Variants in GOLGA4 observed in about 807,000 individuals in gnomAD.
GOLGA4 encodes the protein golgin A4.
GOLGA4 carries 169 observed loss-of-function variants against 265.9 expected under a neutral mutation model. That is an observed-to-expected ratio of 0.64 (90% CI 0.56 to 0.72). GOLGA4 has a LOEUF of 0.72. Ranked by LOEUF, GOLGA4 falls within the 30% of genes least tolerant of loss-of-function variation. The pLI, the probability that GOLGA4 is intolerant of heterozygous loss-of-function variation, is 0.00. For synonymous variants in GOLGA4, 923 were observed against 855.8 expected (o/e 1.08, Z -1.37); for missense variants, 2,482 against 2,483.4 (o/e 1.00, Z 0.01).
At chr3:37,270,202 C>CTTTTT (rs144373648) in intron 2 of GOLGA4, among the ~76,000 whole-genome samples, 10 of 99,896 alleles carry the variant, frequency 1.0e-4, no homozygotes, top group African/African-American at 3.4e-4. Context: ...CCAGTTGTAG[C>CTTTTT]TTTTTTTTTT....
At chr3:37,291,124 G>A (rs1470511434) in intron 5 of GOLGA4, among the ~76,000 whole-genome samples, 6 of 152,102 alleles carry the variant, frequency 3.9e-5, no homozygotes, top group Admixed American at 3.3e-4. Flanking sequence ...AATTCAGAGA[G>A]TGCACATTAG....
chr3:37,262,971 G>A (rs1041278401), intron 2 of GOLGA4, among the ~76,000 whole-genome samples: 4 of 152,208 alleles, frequency 2.6e-5, no homozygotes, highest in Admixed American at 6.5e-5. Context: ...TGGTATAAAA[G>A]CTCACAGTAA....
intron 2 of GOLGA4, among the ~76,000 whole-genome samples, chr3:37,267,787 T>G (rs1483958553): frequency 6.6e-6 from 1 of 152,248 alleles, no homozygotes; most frequent in Non-Finnish European, 1.5e-5. Flanking sequence ...AGAATTGATT[T>G]AACTTATTAG....
chr3:37,323,673 C>G lies in GOLGA4; in HGVS notation c.1787C>G (p.Ala596Gly). ...QSKDLAVHLE[A>G]EKNKHNKEIT... ...AAAGATTTGGCTGTTCATCTGGAAG[C>G]TGAAAAAAATAAGCACAATAAGGAG... The change falls in exon 14 of 24, where the codon GCT (alanine) becomes GGT (glycine). Residue 596 changes from alanine (A) to glycine (G), a missense_variant. This residue lies in a region of GOLGA4 where 1,536 missense variants were observed against 1,483.7 expected (regional missense o/e 1.04). Transcript: ENST00000361924. 1.9e-6 allele frequency: 3 copies of G among 1,602,622 alleles called. No homozygotes were observed. The highest frequency in any genetic ancestry group is 2.5e-6 in the Non-Finnish European group (3 of 1,176,656).
In GOLGA4 at chr3:37,337,699, G is replaced by T. The variant is rs773058450; in HGVS notation, c.6361G>T (p.Asp2121Tyr). 30 of 1,612,072 alleles carry T rather than the reference G, an allele frequency of 1.9e-5. No homozygotes were observed. The highest frequency in any genetic ancestry group is 2.4e-5 in the Non-Finnish European group (28 of 1,178,252). Residue 2121 changes from aspartate to tyrosine, a missense_variant, in exon 19 of 24, where the codon GAT (aspartate) becomes TAT (tyrosine). Asp to Tyr is a radical substitution (Grantham distance 160). Transcript: ENST00000361924. Reference sequence around the variant, plus strand: ...AGCACAGAAGACGACTTTAATCAGTGATTCGAAATTGAAAGAGCAAGAGTT... The same window carrying T: ...AGCACAGAAGACGACTTTAATCAGTTATTCGAAATTGAAAGAGCAAGAGTT... ...QLAQKTTLIS[D>Y]SKLKEQEFRE...
chr3:37,348,145 G>A (rs1054175463), intron 21 of GOLGA4, among the ~76,000 whole-genome samples: 1 of 152,080 alleles, frequency 6.6e-6, no homozygotes, highest in African/African-American at 2.4e-5. Flanking sequence ...TACTAAGCAG[G>A]TTCAAGCACT....
intron 2 of GOLGA4, among the ~76,000 whole-genome samples, chr3:37,257,938 T>TAC (rs1455743419): frequency 9.0e-6 from 1 of 110,788 alleles, no homozygotes; most frequent in Non-Finnish European, 1.7e-5. Flanking sequence ...TATATATACA[T>TAC]ACATATATAT....
At chr3:37,264,742 T>G (rs556324412) in intron 2 of GOLGA4, among the ~76,000 whole-genome samples, 25 of 152,282 alleles carry the variant, frequency 1.6e-4, no homozygotes, top group African/African-American at 6.0e-4. Context: ...AGGATCTCAC[T>G]CTTTTGCTCA....
At chr3:37,315,226 C>T (rs1304361297) in intron 10 of GOLGA4, among the ~76,000 whole-genome samples, 194 bp from the exon 11 acceptor site, 1 of 152,178 alleles carries the variant, frequency 6.6e-6, no homozygotes, top group Non-Finnish European at 1.5e-5. Context: ...AACTCAGTGA[C>T]AAGTTGGTTT....
intron 14 of GOLGA4, among the ~76,000 whole-genome samples, chr3:37,328,187 T>A (rs1392796299): frequency 2.0e-5 from 3 of 150,520 alleles, no homozygotes; most frequent in Non-Finnish European, 4.4e-5. Flanking sequence ...AATTCTCTGG[T>A]CCCCAGGACC....
intron 2 of GOLGA4, among the ~76,000 whole-genome samples, chr3:37,280,048 A>G (rs934749100): frequency 1.1e-4 from 16 of 152,204 alleles, no homozygotes; most frequent in African/African-American, 3.9e-4. Flanking sequence ...CGTTCAATCA[A>G]AACACAGCAT....
At chr3:37,291,542 C>T (rs555735632) in intron 5 of GOLGA4, among the ~76,000 whole-genome samples, 1 of 152,230 alleles carries the variant, frequency 6.6e-6, no homozygotes, top group Non-Finnish European at 1.5e-5. Context: ...CTCATCTACT[C>T]AGTTGCAGCT....
chr3:37,290,709 CA>C (rs2096862357), intron 5 of GOLGA4, among the ~76,000 whole-genome samples: 1 of 152,104 alleles, frequency 6.6e-6, no homozygotes, highest in African/African-American at 2.4e-5. Flanking sequence ...CTGGTCTGCC[CA>C]AGATTCTGCT....
chr3:37,294,950 A>C, intron 5 of GOLGA4, 29 bp from the exon 6 acceptor site: 1 of 1,449,778 alleles, frequency 6.9e-7, no homozygotes, highest in Non-Finnish European at 9.5e-7. Flanking sequence ...TTATACTGAA[A>C]ATTACCTGTA....
intron 9 of GOLGA4, among the ~76,000 whole-genome samples, chr3:37,300,683 T>C (rs996143420): frequency 6.6e-6 from 1 of 152,086 alleles, no homozygotes; most frequent in Admixed American, 6.6e-5. Flanking sequence ...AATTTTATCA[T>C]TTTTTTCCAA....
rs2096975630 is a variant in GOLGA4 at position 37,327,495 on chromosome 3, A to G, written c.5609A>G (p.His1870Arg). Reference sequence around the variant, plus strand: ...TGCTTAGTAAGACAGAAAGAAGTACATAGAGTTGAAATGGAAGAGTTGACC... The same window carrying G: ...TGCTTAGTAAGACAGAAAGAAGTACGTAGAGTTGAAATGGAAGAGTTGACC... ...DSCLVRQKEVHRVEMEELTSK... is the reference protein window; with the variant it reads ...DSCLVRQKEVRRVEMEELTSK... Residue 1870 changes from histidine (H) to arginine (R), a missense_variant, in exon 14 of 24, where the codon CAT (histidine) becomes CGT (arginine). Coordinates refer to ENST00000361924, the MANE Select transcript of GOLGA4 (RefSeq NM_002078.5). The G allele has an allele frequency of 6.2e-7, 1 of 1,613,296 alleles. No homozygotes were observed. Among genetic ancestry groups the G allele is most frequent in the African/African-American group, 1.3e-5 (1 of 74,894 alleles).
chr3:37,285,975 A>C (rs1390769271), intron 3 of GOLGA4, 39 bp from the exon 4 acceptor site: 1 of 1,239,854 alleles, frequency 8.1e-7, no homozygotes, highest in East Asian at 2.3e-5. Context: ...AATTGCATTT[A>C]TTTAGGAATG....
intron 7 of GOLGA4, among the ~76,000 whole-genome samples, chr3:37,297,931 A>C (rs1016560588): frequency 2.6e-5 from 4 of 152,104 alleles, no homozygotes; most frequent in Admixed American, 2.0e-4. Flanking sequence ...TGGGAGGTTG[A>C]GGCAGGGGAA....
chr3:37,325,469 A>G lies in GOLGA4; in HGVS notation c.3583A>G (p.Ser1195Gly), dbSNP rs746810233. 1.2e-5 allele frequency: 20 copies of G among 1,611,964 alleles called. No individual in the cohort carries two copies. The Admixed American group carries it at 2.2e-4, about 18-fold the overall frequency. Residue 1195 changes from serine to glycine, a missense_variant, in exon 14 of 24, where the codon AGT (serine) becomes GGT (glycine). Coordinates refer to ENST00000361924, the MANE Select transcript of GOLGA4 (RefSeq NM_002078.5). ...FQSLKSSHEKSNKSLEDKSLE... is the reference protein window; with the variant it reads ...FQSLKSSHEKGNKSLEDKSLE... Reference sequence around the variant, plus strand: ...GAGTTTGAAATCTTCACATGAAAAAAGTAACAAAAGCCTAGAGGACAAGAG... The same window carrying G: ...GAGTTTGAAATCTTCACATGAAAAAGGTAACAAAAGCCTAGAGGACAAGAG...
Sources: allele counts gnomAD v4.1 joint callset (sites outside exome capture counted in the v4.1 genomes callset), GRCh38; gene constraint gnomAD v4.1.1; regional missense constraint gnomAD v4.1.1; transcripts MANE v1.5; gene names NCBI Gene and HGNC (gene_info 2026-07-23, HGNC 2026-07-21).